Variants in CNTN4 observed in about 807,000 individuals in gnomAD.
The protein encoded by CNTN4 is contactin 4, also known as contactin-4.
A neutral mutation model predicts 122.5 loss-of-function variants in CNTN4; 77 were observed. That is an observed-to-expected ratio of 0.63 (90% CI 0.52 to 0.76). The LOEUF is 0.76. CNTN4 is among the 30% of genes least tolerant of loss of function. The pLI, the probability that CNTN4 is intolerant of heterozygous loss-of-function variation, is 0.00. For missense variants in CNTN4, 1,256 were observed against 1,259.1 expected (o/e 1.00, Z 0.04); for synonymous variants, 512 against 447.0 (o/e 1.15, Z -1.83).
chr3:2,766,582 T>C (rs2090870292), intron 6 of CNTN4, among the ~76,000 whole-genome samples: 1 of 152,070 alleles, frequency 6.6e-6, no homozygotes, highest in African/African-American at 2.4e-5. Context: ...AATGGAATTT[T>C]GGGACGCGGC....
intron 3 of CNTN4, among the ~76,000 whole-genome samples, chr3:2,373,498 GGATACAT>G (rs1342363931): frequency 2.0e-5 from 3 of 152,164 alleles, no homozygotes; most frequent in African/African-American, 7.2e-5. Flanking sequence ...CTCTTTAAAT[GGATACAT>G]GAGTTAGTGT....
chr3:2,951,993 T>G (rs1167105156), intron 13 of CNTN4, among the ~76,000 whole-genome samples: 3 of 152,204 alleles, frequency 2.0e-5, no homozygotes, highest in African/African-American at 4.8e-5. Flanking sequence ...TTCCCAACTC[T>G]ATACCCAGGT....
At chr3:2,192,589 A>G (rs1305843398) in intron 2 of CNTN4, among the ~76,000 whole-genome samples, 1 of 151,816 alleles carries the variant, frequency 6.6e-6, no homozygotes, top group Non-Finnish European at 1.5e-5. Flanking sequence ...CAAATTTACA[A>G]GAAAAAAACA....
chr3:2,961,653 G>A (rs2094860796), intron 13 of CNTN4, among the ~76,000 whole-genome samples: 1 of 152,124 alleles, frequency 6.6e-6, no homozygotes. Flanking sequence ...GTTATTAGAA[G>A]AGAGCCATCC....
At chr3:2,645,073 A>G (rs561829982) in intron 4 of CNTN4, among the ~76,000 whole-genome samples, 1 of 152,134 alleles carries the variant, frequency 6.6e-6, no homozygotes, top group South Asian at 2.1e-4. Flanking sequence ...CTACAGCCAA[A>G]TTAACGAAGA....
chr3:2,883,200 G>C lies in CNTN4; in HGVS notation c.708G>C (p.Pro236=). 6.2e-7 allele frequency: 1 copy of C among 1,613,826 alleles called. No individual in the cohort carries two copies. The change falls in exon 9 of 25, where the codon CCG becomes CCC. Residue 236 remains proline (P), a synonymous_variant. Transcript: ENST00000418658. ...AAGTGCAGTTCCCAGAAACAGTTCCGACTGCAAAAGGAGCAACGGTGAAGC... is the reference window on the plus strand; with the variant it reads ...AAGTGCAGTTCCCAGAAACAGTTCCCACTGCAAAAGGAGCAACGGTGAAGC... ...KIEVQFPETV[P]TAKGATVKLE... is the part of the protein sequence containing the mutation.
intron 3 of CNTN4, 87 bp downstream of exon 3, chr3:2,339,320 C>G (rs1202313160): frequency 6.6e-6 from 1 of 152,038 alleles, no homozygotes; most frequent in African/African-American, 2.4e-5. Flanking sequence ...TGAAAACCTT[C>G]CCTTACAGAG....
Position 3,034,718 on chromosome 3 carries a change from C to T in CNTN4, c.1870C>T (p.His624Tyr). The T allele has an allele frequency of 6.2e-7, 1 of 1,614,080 alleles. No individual in the cohort carries two copies. Among genetic ancestry groups the T allele is most frequent in the Non-Finnish European group, 8.5e-7 (1 of 1,180,008 alleles). Residue 624 changes from histidine (H) to tyrosine (Y), a missense_variant, in exon 17 of 25, where the codon CAC (histidine) becomes TAC (tyrosine). Coordinates refer to ENST00000418658, the MANE Select transcript of CNTN4 (RefSeq NM_175607.3). ...CTCCTGGAGACCCGGGCCTGACAAC[C>T]ACAGCCCCATCACCATGTATGTCAT... ...QLSWRPGPDN[H>Y]SPITMYVIQA... is the part of the protein sequence containing the mutation.
chr3:2,527,785 T>A (rs1297795451), intron 3 of CNTN4, among the ~76,000 whole-genome samples: 1 of 152,114 alleles, frequency 6.6e-6, no homozygotes, highest in African/African-American at 2.4e-5. Context: ...GCCTTGCTCT[T>A]CAACAAAAAT....
At chr3:2,719,791 G>A in intron 4 of CNTN4, among the ~76,000 whole-genome samples, 1 of 152,122 alleles carries the variant, frequency 6.6e-6, no homozygotes, top group East Asian at 1.9e-4. Flanking sequence ...GACTTTCTTG[G>A]TGGGCTAAGC....
intron 17 of CNTN4, among the ~76,000 whole-genome samples, 181 bp downstream of exon 17, chr3:3,034,971 T>G (rs1478252750): frequency 6.6e-6 from 1 of 152,124 alleles, no homozygotes; most frequent in Non-Finnish European, 1.5e-5. Context: ...CAAATCACAG[T>G]TGGGTTTTTT....
intron 2 of CNTN4, among the ~76,000 whole-genome samples, chr3:2,320,298 AACTG>A (rs1298946785): frequency 2.0e-5 from 3 of 152,224 alleles, no homozygotes; most frequent in Admixed American, 6.5e-5. Flanking sequence ...TACAGAAAGA[AACTG>A]ACTGAAGCTA....
intron 4 of CNTN4, among the ~76,000 whole-genome samples, chr3:2,723,943 G>A (rs1228935604): frequency 6.6e-6 from 1 of 152,282 alleles, no homozygotes; most frequent in East Asian, 1.9e-4. Context: ...ATGAGGAAGA[G>A]CATAGCTCTT....
intron 2 of CNTN4, among the ~76,000 whole-genome samples, chr3:2,221,709 T>C (rs2039067718): frequency 6.6e-6 from 1 of 151,990 alleles, no homozygotes; most frequent in African/African-American, 2.4e-5. Flanking sequence ...ACAAGAATAA[T>C]AACCAAGTTA....
chr3:2,588,829 T>C (rs2080330578), intron 4 of CNTN4, among the ~76,000 whole-genome samples: 2 of 150,082 alleles, frequency 1.3e-5, no homozygotes, highest in African/African-American at 2.5e-5. Flanking sequence ...AATGCCCCAA[T>C]GTAATAATAT....
rs1020440432 is a variant in CNTN4 at position 3,007,852 on chromosome 3, A to G, written c.1487-18250A>G. 2.5e-4 allele frequency among the ~76,000 whole-genome samples: 38 copies of G among 152,172 alleles called. 4 individuals carry two copies. The highest frequency in any genetic ancestry group is 1.7e-3 in the Admixed American group (26 of 15,286). On this transcript the variant is annotated intron_variant, in intron 14 of 24. Transcript: ENST00000418658. The stretch of plus-strand genomic sequence containing the variant: ...TAATCTTTTATCCCAATTAGAATAA[A>G]TGGGGTGCTGCAGATAGGCTGGAAC...
chr3:2,561,086 A>T (rs2078934410), intron 3 of CNTN4, among the ~76,000 whole-genome samples: 1 of 152,206 alleles, frequency 6.6e-6, no homozygotes, highest in Non-Finnish European at 1.5e-5. Flanking sequence ...AAGTGTATCC[A>T]AGTAAAAGCC....
chr3:2,333,512 T>A (rs2043820325), intron 2 of CNTN4, among the ~76,000 whole-genome samples: 2 of 152,368 alleles, frequency 1.3e-5, no homozygotes, highest in East Asian at 3.9e-4. Context: ...GTGGTGCTAC[T>A]TATTGTACCC....
chr3:2,976,885 T>C (rs1693467801), intron 13 of CNTN4, among the ~76,000 whole-genome samples: 1 of 152,094 alleles, frequency 6.6e-6, no homozygotes, highest in East Asian at 1.9e-4. Context: ...TTTTTTCTTT[T>C]CAGAGAAAAG....
Sources: gnomAD v4.1 joint callset for allele counts (sites outside exome capture counted in the v4.1 genomes callset) on GRCh38, gnomAD v4.1.1 for gene constraint, MANE v1.5 for transcripts, NCBI Gene and HGNC (gene_info 2026-07-23, HGNC 2026-07-21) for gene names.